NPAS3: variants seen among roughly 807,000 people sequenced by gnomAD.
The protein encoded by NPAS3 is neuronal PAS domain protein 3.
In NPAS3, 14 loss-of-function variants were observed where a neutral mutation model predicts 73.1. That is an observed-to-expected ratio of 0.19 (90% CI 0.13 to 0.30). NPAS3 has a LOEUF of 0.30. Ranked by LOEUF, NPAS3 falls within the 10% of genes least tolerant of loss-of-function variation. The pLI is 1.00. For synonymous variants in NPAS3, 620 were observed against 541.5 expected (o/e 1.14, Z -2.01); for missense variants, 1,096 against 1,250.0 (o/e 0.88, Z 1.86).
At chr14:33,510,555 A>G (rs2052999148) in intron 4 of NPAS3, among the ~76,000 whole-genome samples, 1 of 152,082 alleles carries the variant, frequency 6.6e-6, no homozygotes, top group Admixed American at 6.6e-5. Flanking sequence ...TGTTGTAAGG[A>G]ATTCATTTTC....
intron 4 of NPAS3, among the ~76,000 whole-genome samples, chr14:33,443,579 A>G (rs143160381): frequency 0.01 from 1,595 of 152,300 alleles, 32 homozygotes; most frequent in African/African-American, 0.037. Context: ...GAGCCCAGGC[A>G]GAGAGGGGAC....
At chr14:33,525,786 A>G (rs1402041777) in intron 4 of NPAS3, among the ~76,000 whole-genome samples, 1 of 152,168 alleles carries the variant, frequency 6.6e-6, no homozygotes, top group Non-Finnish European at 1.5e-5. Flanking sequence ...ACACATAAAC[A>G]TGCCTAAGTT....
chr14:33,742,937 G>T (rs977247051), intron 7 of NPAS3, among the ~76,000 whole-genome samples: 1 of 152,068 alleles, frequency 6.6e-6, no homozygotes, highest in Admixed American at 6.6e-5. Flanking sequence ...GTTTCATCAC[G>T]AGACTACAGC....
At chr14:33,783,887 G>A (rs1444803117) in intron 9 of NPAS3, among the ~76,000 whole-genome samples, 3 of 152,102 alleles carry the variant, frequency 2.0e-5, no homozygotes, top group South Asian at 2.1e-4. Context: ...GTCTTTAGAC[G>A]GCACTATTTT....
chr14:33,141,441 C>T (rs576113812), intron 2 of NPAS3, among the ~76,000 whole-genome samples: 4 of 152,120 alleles, frequency 2.6e-5, no homozygotes, highest in Middle Eastern at 3.4e-3. Context: ...AATGAGCCTA[C>T]TATGGAGAAT....
chr14:33,588,512 T>C (rs1226557992), intron 5 of NPAS3, among the ~76,000 whole-genome samples: 3 of 152,242 alleles, frequency 2.0e-5, no homozygotes, highest in Non-Finnish European at 2.9e-5. Flanking sequence ...TTGAGAACTC[T>C]TCCTGCTTTT....
chr14:33,436,206 G>A (rs774975453), intron 4 of NPAS3, among the ~76,000 whole-genome samples: 10 of 152,262 alleles, frequency 6.6e-5, no homozygotes, highest in Middle Eastern at 3.4e-3. Flanking sequence ...GTGCATGTAA[G>A]TTTACCGTCA....
In NPAS3 at chr14:33,586,607, G is replaced by T. The variant is rs148745509; in HGVS notation, c.558+26397G>T. Among the ~76,000 whole-genome samples, 7 of 152,186 alleles carry T rather than the reference G, an allele frequency of 4.6e-5. No homozygotes were observed. In the East Asian group the frequency reaches 1.4e-3, roughly 29 times the overall value. On this transcript the variant is annotated intron_variant, in intron 5 of 11. Transcript: ENST00000356141. ...TGTATCATTTAGTAGAACATAGAAA[G>T]AATCCTTTTAGAAAACTAAGAATTA...
intron 3 of NPAS3, among the ~76,000 whole-genome samples, chr14:33,341,580 G>A (rs2044484470): frequency 6.6e-6 from 1 of 152,102 alleles, no homozygotes; most frequent in South Asian, 2.1e-4. Flanking sequence ...GCAGAGTGGG[G>A]CGATCTGGGT....
intron 4 of NPAS3, among the ~76,000 whole-genome samples, chr14:33,553,871 C>A (rs1030668110): frequency 5.3e-5 from 8 of 152,182 alleles, no homozygotes; most frequent in South Asian, 2.1e-4. Context: ...TGGGCACCAT[C>A]CAGGTTCTCC....
chr14:33,735,431 A>ATGTGATC, intron 7 of NPAS3, 99 bp downstream of exon 7: 1 of 835,398 alleles, frequency 1.2e-6, no homozygotes, highest in East Asian at 2.4e-5. Context: ...TAATGAATAC[A>ATGTGATC]TGTGATCTTG....
chr14:32,980,732 C>G (rs1028056098), intron 1 of NPAS3, among the ~76,000 whole-genome samples: 3 of 151,934 alleles, frequency 2.0e-5, no homozygotes, highest in East Asian at 3.9e-4. Flanking sequence ...GCATGACAGC[C>G]GGAAGAAGAT....
At chr14:33,283,537 G>A (rs747917227) in intron 3 of NPAS3, among the ~76,000 whole-genome samples, 15 of 152,122 alleles carry the variant, frequency 9.9e-5, no homozygotes, top group Non-Finnish European at 1.5e-4. Flanking sequence ...TCTCACGGAG[G>A]CATAGGAATC....
chr14:33,197,237 C>CTGTGTGTGTGTGTGTGTG (rs11268151), intron 2 of NPAS3, among the ~76,000 whole-genome samples: 2,716 of 135,218 alleles, frequency 0.02, 35 homozygotes, highest in African/African-American at 0.03. Flanking sequence ...CTCCAGCAGG[C>CTGTGTGTGTGTGTGTGTG]TGTGTGTGTG....
intron 3 of NPAS3, among the ~76,000 whole-genome samples, chr14:33,268,275 T>TAG (rs1270777471): frequency 1.6e-4 from 24 of 152,286 alleles, no homozygotes; most frequent in African/African-American, 5.8e-4. Context: ...TCTTAATGAA[T>TAG]ACAGACCTGC....
At chr14:33,326,543 A>C (rs1009463051) in intron 3 of NPAS3, among the ~76,000 whole-genome samples, 1 of 152,228 alleles carries the variant, frequency 6.6e-6, no homozygotes, top group Admixed American at 6.5e-5. Flanking sequence ...CTTTTTGTGC[A>C]TGTGTGACAA....
chr14:33,686,957 GAAAC>G (rs546084760), intron 6 of NPAS3, among the ~76,000 whole-genome samples: 113 of 152,172 alleles, frequency 7.4e-4, no homozygotes, highest in African/African-American at 2.2e-3. Context: ...GAGAAGACCA[GAAAC>G]AAACAAACAA....
At chr14:33,753,956 G>A (rs1462503137) in intron 7 of NPAS3, among the ~76,000 whole-genome samples, 1 of 152,104 alleles carries the variant, frequency 6.6e-6, no homozygotes, top group African/African-American at 2.4e-5. Context: ...AGCTCCCAGG[G>A]GTTGAGATGT....
intron 3 of NPAS3, among the ~76,000 whole-genome samples, chr14:33,266,015 A>C (rs1500717): frequency 0.028 from 4,252 of 151,536 alleles, 127 homozygotes; most frequent in East Asian, 0.14. Context: ...AAAAATATAT[A>C]AATACATATA....
Sources: gnomAD v4.1 joint callset for allele counts (sites outside exome capture counted in the v4.1 genomes callset) on GRCh38, gnomAD v4.1.1 for gene constraint, MANE v1.5 for transcripts, NCBI Gene and HGNC (gene_info 2026-07-23, HGNC 2026-07-21) for gene names.